The following THOC1 variants were observed in gnomAD, a reference collection of about 807,000 sequenced individuals.
The protein encoded by THOC1 is THO complex 1.
In THOC1, 29 loss-of-function variants were observed where a neutral mutation model predicts 97.3. The observed-to-expected ratio is 0.30, with a 90% CI of 0.22 to 0.41. The LOEUF (loss-of-function observed/expected upper bound fraction) is 0.41, where lower values mean the gene tolerates loss of function less well. Ranked by LOEUF, THOC1 falls within the 10% of genes least tolerant of loss-of-function variation. The probability of loss-of-function intolerance (pLI) is 1.00; values close to 1 mark genes in which losing one functional copy is unlikely to be tolerated. For synonymous variants in THOC1, 255 were observed against 257.0 expected (o/e 0.99, Z 0.07); for missense variants, 529 against 761.9 (o/e 0.69, Z 3.60).
chr18:245,407 G>A (rs1823250855), intron 11 of THOC1: 1 of 152,110 alleles, frequency 6.6e-6, no homozygotes, highest in Admixed American at 6.6e-5. Flanking sequence ...ATGACTTCTT[G>A]GAGCAGCTGT....
intron 20 of THOC1, 64 bp downstream of exon 20, chr18:215,365 C>T: frequency 1.7e-6 from 2 of 1,200,226 alleles, no homozygotes; most frequent in Non-Finnish European, 2.5e-6. Flanking sequence ...AATAATGTAC[C>T]TATCAACAAA....
chr18:263,760 G>A, intron 4 of THOC1: 1 of 362,262 alleles, frequency 2.8e-6, no homozygotes, highest in Non-Finnish European at 5.1e-6. Context: ...TCAGTACCAG[G>A]CACATAGTAG....
intron 11 of THOC1, among the ~76,000 whole-genome samples, chr18:237,222 C>T (rs1391076515): frequency 6.8e-6 from 1 of 147,644 alleles, no homozygotes; most frequent in Non-Finnish European, 1.5e-5. Flanking sequence ...TGCAGTGGCA[C>T]AATCGTGGCT....
chr18:225,422 A>T lies in THOC1; in HGVS notation c.1020-19T>A. 6.2e-7 allele frequency: 1 copy of T among 1,607,856 alleles called. No homozygotes were observed. The highest frequency in any genetic ancestry group is 8.5e-7 in the Non-Finnish European group (1 of 1,176,544). On this transcript the variant is annotated intron_variant, in intron 12 of 20. Coordinates refer to ENST00000261600, the MANE Select transcript of THOC1 (RefSeq NM_005131.3). Reference sequence around the variant, plus strand: ...GTTTGAACTAGGGAACAAAGCAATGAAAGCATGCTTGAGTTACAGCAATGC... The same window carrying T: ...GTTTGAACTAGGGAACAAAGCAATGTAAGCATGCTTGAGTTACAGCAATGC...
At chr18:255,689 G>A (rs1023828900) in intron 7 of THOC1, among the ~76,000 whole-genome samples, 2 of 152,232 alleles carry the variant, frequency 1.3e-5, no homozygotes, top group Non-Finnish European at 2.9e-5. Context: ...ACACTCAACA[G>A]ATTTTTCAAT....
At chr18:237,873 T>G (rs1911763284) in intron 11 of THOC1, among the ~76,000 whole-genome samples, 1 of 152,144 alleles carries the variant, frequency 6.6e-6, no homozygotes, top group Non-Finnish European at 1.5e-5. Context: ...GTATTCCTTT[T>G]TTTTTCTTTT....
intron 11 of THOC1, among the ~76,000 whole-genome samples, chr18:233,674 ACTTT>A (rs1276010078): frequency 1.3e-5 from 2 of 152,174 alleles, no homozygotes; most frequent in Non-Finnish European, 2.9e-5. Flanking sequence ...TACAATTTGG[ACTTT>A]CTATTGTTTT....
intron 9 of THOC1, 100 bp downstream of exon 9, chr18:252,430 TTTCTTATAA>T: frequency 1.2e-6 from 1 of 832,908 alleles, no homozygotes; most frequent in African/African-American, 1.7e-5. Flanking sequence ...ATGAAAGAAA[TTTCTTATAA>T]TTTCTTTCCT....
Position 254,228 on chromosome 18 carries a change from A to C in THOC1, c.603+45T>G. Reference sequence around the variant, plus strand: ...TGCCTGGACCCACTATCTTAATAACAAACTTGCAAATATGTTATCTGAGAA... The same window carrying C: ...TGCCTGGACCCACTATCTTAATAACCAACTTGCAAATATGTTATCTGAGAA... On this transcript the variant is annotated intron_variant, in intron 8 of 20. Transcript: ENST00000261600. This position sits in a 1 kb window ranked among gnomAD's most constrained non-coding sequence, Gnocchi z 4.1. The C allele has an allele frequency of 7.2e-7, 1 of 1,385,694 alleles. No homozygotes were observed. Among genetic ancestry groups the C allele is most frequent in the Non-Finnish European group, 1.0e-6 (1 of 994,988 alleles). 85.8% of individuals were successfully genotyped at this position (1,385,694 alleles called of 1,614,324 possible).
At chr18:252,787 G>GATTT (rs1339363567) in intron 8 of THOC1, among the ~76,000 whole-genome samples, 175 bp from the exon 9 acceptor site, 1 of 152,106 alleles carries the variant, frequency 6.6e-6, no homozygotes, top group African/African-American at 2.4e-5. Context: ...TTTACCTGAT[G>GATTT]GACAGAAGAA....
At chr18:215,736 T>C in intron 19 of THOC1, 1 of 454,316 alleles carries the variant, frequency 2.2e-6, no homozygotes, top group Non-Finnish European at 3.9e-6. Flanking sequence ...CCACCCCCAA[T>C]CTGGGAAGCA....
chr18:218,894 A>G lies in THOC1; in HGVS notation c.1446T>C (p.Asn482=). The change falls in exon 18 of 21, where the codon AAT becomes AAC. Residue 482 remains asparagine (N), a synonymous_variant. Coordinates refer to ENST00000261600, the MANE Select transcript of THOC1 (RefSeq NM_005131.3). ...EQADPENMVE[N]EYKAVNNSNY... is the part of the protein sequence containing the mutation. ...ATGAGGAGCATACTTACTTATATTC[A>G]TTTTCCACCATATTTTCAGGGTCTG... 1 of 1,597,090 alleles carries G rather than the reference A, an allele frequency of 6.3e-7. No individual in the cohort carries two copies. Among genetic ancestry groups the G allele is most frequent in the East Asian group, 2.2e-5 (1 of 44,632 alleles).
chr18:253,950 G>A (rs1332132455), intron 8 of THOC1, among the ~76,000 whole-genome samples: 17 of 137,702 alleles, frequency 1.2e-4, no homozygotes, highest in East Asian at 8.4e-4. Context: ...TCACTCTGTC[G>A]CCCAGGCTGG....
chr18:261,304 T>C (rs1367251378), intron 4 of THOC1: 1 of 152,206 alleles, frequency 6.6e-6, no homozygotes, highest in Non-Finnish European at 1.5e-5. Flanking sequence ...AGTAGTCACT[T>C]AGGCATGGTA....
At chr18:251,151 G>T (rs561297334) in intron 9 of THOC1, among the ~76,000 whole-genome samples, 19 of 152,300 alleles carry the variant, frequency 1.2e-4, no homozygotes, top group African/African-American at 4.3e-4. Flanking sequence ...ACTGTAGAGA[G>T]TAGGTGGCAT....
intron 3 of THOC1, among the ~76,000 whole-genome samples, chr18:264,307 C>G (rs767199669): frequency 3.3e-5 from 5 of 152,174 alleles, no homozygotes; most frequent in Non-Finnish European, 7.3e-5. Context: ...TAACAGGCAA[C>G]TCACTCAAAA....
chr18:254,465 C>A lies in THOC1; in HGVS notation c.521-110G>T. The A allele has an allele frequency of 1.5e-6, 1 of 672,914 alleles. No individual in the cohort carries two copies. Among genetic ancestry groups the A allele is most frequent in the South Asian group, 1.7e-5 (1 of 57,808 alleles). The allele number at this position is 672,914 out of a possible 1,614,324, so 41.7% of individuals were successfully genotyped here. On this transcript the variant is annotated intron_variant, in intron 7 of 20. Transcript: ENST00000261600. This position sits in a 1 kb window ranked among gnomAD's most constrained non-coding sequence, Gnocchi z 4.1. Reference sequence around the variant, plus strand: ...AAATGCCAAATCCATAAAGAGCAGTCAAAATTAACACATTTGATTTTCAAA... The same window carrying A: ...AAATGCCAAATCCATAAAGAGCAGTAAAAATTAACACATTTGATTTTCAAA...
At chr18:241,304 C>T (rs1202297951) in intron 11 of THOC1, among the ~76,000 whole-genome samples, 1 of 152,162 alleles carries the variant, frequency 6.6e-6, no homozygotes, top group Non-Finnish European at 1.5e-5. Context: ...CATAAAGATT[C>T]AACCTCTCAA....
At position 254,367 on chromosome 18, in the gene THOC1, AC is replaced by A; in HGVS notation, c.521-13del. The A allele has an allele frequency of 6.5e-7, 1 of 1,538,728 alleles. No individual in the cohort carries two copies. The highest frequency in any genetic ancestry group is 1.2e-5 in the South Asian group (1 of 83,978). ...CTGCAAGTTAAGACCTAGTAAAAAA[AC>A]AAAAAAAAGATGCAAAGCAAGTCCA... is the stretch of plus-strand genomic sequence containing the variant. On this transcript the variant is annotated splice_polypyrimidine_tract_variant and intron_variant, in intron 7 of 20. Transcript: ENST00000261600. The surrounding 1 kb of genome is among the most constrained non-coding windows in gnomAD (Gnocchi z 4.1).
Sources: gnomAD v4.1 joint callset for allele counts (sites outside exome capture counted in the v4.1 genomes callset) on GRCh38, gnomAD v4.1.1 for gene constraint, Gnocchi (gnomAD v3.1) non-coding constraint, MANE v1.5 for transcripts, NCBI Gene and HGNC (gene_info 2026-07-23, HGNC 2026-07-21) for gene names.